AMD1: variants seen among roughly 807,000 people sequenced by gnomAD.
The protein encoded by AMD1 is S-adenosylmethionine decarboxylase proenzyme.
Under a neutral mutation model 40.2 loss-of-function variants are expected in AMD1, and 11 were observed. The ratio of observed to expected loss-of-function variants is 0.27; its 90% CI spans 0.17 to 0.45. The LOEUF is 0.45. Among genes scored for constraint, AMD1 ranks in the 20% least tolerant of loss-of-function variants. AMD1 has a pLI of 1.00. For synonymous variants in AMD1, 121 were observed against 130.8 expected (o/e 0.93, Z 0.51); for missense variants, 257 against 410.2 (o/e 0.63, Z 3.23).
At chr6:110,861,217 G>A in the AMD1 span, among the ~76,000 whole-genome samples, 2 of 152,092 alleles carry the variant, frequency 1.3e-5, no homozygotes, top group African/African-American at 4.8e-5. Flanking sequence ...AATTAGCCGG[G>A]CGTAGTGGCG....
chr6:110,888,153 G>GGAAAGTT (rs1318751911), intron 2 of AMD1: 1 of 152,096 alleles, frequency 6.6e-6, no homozygotes, highest in African/African-American at 2.4e-5. Flanking sequence ...TCAGGCAAAG[G>GGAAAGTT]GAAAGTTAGC....
intron 1 of AMD1, among the ~76,000 whole-genome samples, chr6:110,876,836 G>A (rs554006747): frequency 1.4e-5 from 2 of 146,684 alleles, no homozygotes; most frequent in South Asian, 4.2e-4. Flanking sequence ...AAAATCTTGG[G>A]TAAGAACAGT....
At chr6:110,890,013 AAGAGAG>A (rs143903348) in intron 3 of AMD1, 1 of 375,770 alleles carries the variant, frequency 2.7e-6, no homozygotes, top group African/African-American at 2.1e-5. Flanking sequence ...TTTTAAAAAA[AAGAGAG>A]AGAGAGAGAG....
chr6:110,839,161 C>T, the AMD1 span, among the ~76,000 whole-genome samples: 1 of 152,286 alleles, frequency 6.6e-6, no homozygotes, highest in East Asian at 1.9e-4. Flanking sequence ...TGTATCTTTT[C>T]TATTCATGTG....
At chr6:110,886,511 G>A (rs1225557677) in intron 1 of AMD1, among the ~76,000 whole-genome samples, 1 of 152,072 alleles carries the variant, frequency 6.6e-6, no homozygotes, top group Non-Finnish European at 1.5e-5. Flanking sequence ...TCACCATGTT[G>A]GTCAGGCTGG....
the AMD1 span, among the ~76,000 whole-genome samples, chr6:110,850,167 C>CT: frequency 2.4e-3 from 367 of 151,980 alleles, 2 homozygotes; most frequent in African/African-American, 8.4e-3. Flanking sequence ...TAAAATTAAA[C>CT]TAAAAAAAAG....
intron 1 of AMD1, among the ~76,000 whole-genome samples, chr6:110,880,392 C>T (rs1785339580): frequency 1.3e-5 from 2 of 152,262 alleles, no homozygotes; most frequent in South Asian, 2.1e-4. Context: ...TTCCATTTGT[C>T]TGTTTTTGAT....
upstream of AMD1, among the ~76,000 whole-genome samples, chr6:110,873,484 A>G (rs1224177090): frequency 2.0e-5 from 3 of 152,262 alleles, no homozygotes; most frequent in Admixed American, 1.3e-4. Context: ...TCTACAGGGT[A>G]TCTAGAGTGC....
intron 1 of AMD1, among the ~76,000 whole-genome samples, chr6:110,885,865 C>A (rs2115296994): frequency 6.6e-6 from 1 of 152,330 alleles, no homozygotes; most frequent in East Asian, 1.9e-4. Flanking sequence ...GCACAAAATT[C>A]TACCAGGCAT....
At chr6:110,848,298 A>G in the AMD1 span, among the ~76,000 whole-genome samples, 19 of 151,212 alleles carry the variant, frequency 1.3e-4, no homozygotes, top group Non-Finnish European at 2.7e-4. Flanking sequence ...GAGGCAGGCG[A>G]GTCACTTGAG....
At chr6:110,869,555 G>C in the AMD1 span, among the ~76,000 whole-genome samples, 2 of 150,988 alleles carry the variant, frequency 1.3e-5, no homozygotes, top group African/African-American at 4.9e-5. Flanking sequence ...TGTTGCCCAG[G>C]CTGGAGTGCA....
At chr6:110,876,071 G>A (rs562360910) in intron 1 of AMD1, among the ~76,000 whole-genome samples, 3 of 152,350 alleles carry the variant, frequency 2.0e-5, no homozygotes, top group South Asian at 4.1e-4. Flanking sequence ...TGCCTCTAAT[G>A]CCTTAAGCTT....
Position 110,887,486 on chromosome 6 carries a change from C to G in AMD1, c.111-19C>G, listed in dbSNP as rs770044151. 2.0e-5 allele frequency: 31 copies of G among 1,580,248 alleles called. No individual in the cohort carries two copies. The highest frequency in any genetic ancestry group is 1.4e-5 in the Non-Finnish European group (16 of 1,163,278). ...GGGTACTATTGTGGATTAATCGTAA[C>G]TTTTTTGTTAAATGATAGATCTGAG... is the stretch of plus-strand genomic sequence containing the variant. On this transcript the variant is annotated intron_variant, in intron 1 of 8. Transcript: ENST00000368885.
In AMD1 at chr6:110,875,028, GGCGGCGGCA is replaced by G; in HGVS notation, c.-70_-62del. 1 of 1,108,424 alleles carries G rather than the reference GGCGGCGGCA, an allele frequency of 9.0e-7. No individual in the cohort carries two copies. 68.7% of individuals were successfully genotyped at this position (1,108,424 alleles called of 1,614,324 possible). A position where few individuals can be genotyped will look rare whatever the true frequency, so the allele number is the denominator to read the frequency against. On this transcript the variant is annotated 5_prime_UTR_variant, in exon 1 of 9. Transcript: ENST00000368885. ...TAACACAGCTGGAACAATCCGCAGCGGCGGCGGCAGCGGCGGGAGAAGAGGTTTAATTTA... is the reference window on the plus strand; with the variant it reads ...TAACACAGCTGGAACAATCCGCAGCGGCGGCGGGAGAAGAGGTTTAATTTA...
chr6:110,879,763 T>G (rs1785305278), intron 1 of AMD1, among the ~76,000 whole-genome samples: 2 of 152,186 alleles, frequency 1.3e-5, no homozygotes, highest in South Asian at 4.1e-4. Flanking sequence ...ATAAATTACC[T>G]GAACTCTGAA....
the AMD1 span, among the ~76,000 whole-genome samples, chr6:110,840,490 T>C: frequency 6.6e-6 from 1 of 152,092 alleles, no homozygotes. Context: ...TACCAGTTTA[T>C]TATAAAATAT....
chr6:110,842,068 GC>G, the AMD1 span, among the ~76,000 whole-genome samples: 1 of 152,108 alleles, frequency 6.6e-6, no homozygotes, highest in Non-Finnish European at 1.5e-5. Context: ...CTCCCAAAGT[GC>G]TGGGATTATA....
At chr6:110,873,194 G>A (rs1162692955), upstream of AMD1, among the ~76,000 whole-genome samples, 5 of 152,036 alleles carry the variant, frequency 3.3e-5, no homozygotes, top group Admixed American at 6.6e-5. Context: ...GTGAAACCTC[G>A]TCTCTACTAA....
At chr6:110,875,797 C>T (rs1259976765) in intron 1 of AMD1, among the ~76,000 whole-genome samples, 1 of 151,632 alleles carries the variant, frequency 6.6e-6, no homozygotes, top group Non-Finnish European at 1.5e-5. Context: ...CAGCATGTGG[C>T]GTTCGGGCGG....
Sources: gnomAD v4.1 joint callset for allele counts (sites outside exome capture counted in the v4.1 genomes callset) on GRCh38, gnomAD v4.1.1 for gene constraint, MANE v1.5 for transcripts, NCBI Gene and HGNC (gene_info 2026-07-23, HGNC 2026-07-21) for gene names.